The following SCN1A variants were observed in gnomAD, a reference collection of about 807,000 sequenced individuals.
SCN1A encodes the protein sodium voltage-gated channel alpha subunit 1, also known as sodium channel protein type 1 subunit alpha.
A neutral mutation model predicts 193.7 loss-of-function variants in SCN1A; 13 were observed. That is an observed-to-expected ratio of 0.07 (90% CI 0.04 to 0.11). The LOEUF (loss-of-function observed/expected upper bound fraction) is 0.11, where lower values mean the gene tolerates loss of function less well. Among genes scored for constraint, SCN1A ranks in the 10% least tolerant of loss-of-function variants. The pLI, the probability that SCN1A is intolerant of heterozygous loss-of-function variation, is 1.00. For synonymous variants in SCN1A, 781 were observed against 843.6 expected (o/e 0.93, Z 1.29); for missense variants, 1,432 against 2,451.1 (o/e 0.58, Z 8.78).
intron 3 of SCN1A, among the ~76,000 whole-genome samples, chr2:166,074,737 C>T (rs1684825471): frequency 6.6e-6 from 1 of 152,142 alleles, no homozygotes; most frequent in East Asian, 1.9e-4. Context: ...ACTGCATTAA[C>T]TCATTAAGGT....
chr2:166,091,675 A>G lies in SCN1A; in HGVS notation c.-141-13874T>C, dbSNP rs1305899903. Among the ~76,000 whole-genome samples, 10 of 152,340 alleles carry G rather than the reference A, an allele frequency of 6.6e-5. No individual in the cohort carries two copies. In the East Asian group the frequency reaches 1.9e-3, roughly 29 times the overall value. On this transcript the variant is annotated intron_variant, in intron 2 of 28. Transcript: ENST00000674923. ...TAAGCAAGACAAGACCCTTTTCCCT[A>G]TGGCTCAGGAAGGCAGAGAAGTCAA...
At chr2:165,995,065 C>G (rs188642528) in intron 27 of SCN1A, among the ~76,000 whole-genome samples, 1 of 151,926 alleles carries the variant, frequency 6.6e-6, no homozygotes, top group Admixed American at 6.6e-5. Context: ...CGTTCTTTGT[C>G]GTTGATCTGT....
chr2:166,080,094 T>C (rs1216352818), intron 2 of SCN1A, among the ~76,000 whole-genome samples: 2 of 151,784 alleles, frequency 1.3e-5, no homozygotes, highest in East Asian at 3.9e-4. Context: ...ACTTATTCTA[T>C]TAAAATACAG....
intron 28 of SCN1A, chr2:165,993,180 A>AGTGTGAGT (rs1553520689): frequency 1.4e-5 from 2 of 143,166 alleles, no homozygotes; most frequent in African/African-American, 5.2e-5. Context: ...GAAGTGTAAG[A>AGTGTGAGT]GTGTGTGTGT....
rs1697860246 is a variant in SCN1A at position 166,046,683 on chromosome 2, C to T, written c.1377+87G>A. ...TCATTATTAATTCCTCATACAACCA[C>T]CTGCTCTTAGGTACTCACTTTCTCT... On this transcript the variant is annotated intron_variant, in intron 12 of 28. Coordinates refer to ENST00000674923, the MANE Select transcript of SCN1A (RefSeq NM_001165963.4). The T allele has an allele frequency of 2.0e-5, 26 of 1,270,034 alleles. 1 individual carries two copies. The South Asian group carries it at 2.8e-4, about 14-fold the overall frequency. The allele number at this position is 1,270,034 out of a possible 1,614,324, so 78.7% of individuals were successfully genotyped here.
intron 3 of SCN1A, among the ~76,000 whole-genome samples, chr2:166,074,623 A>G (rs1013278770): frequency 5.9e-5 from 9 of 152,132 alleles, no homozygotes; most frequent in African/African-American, 2.2e-4. Flanking sequence ...TCCCAAATGT[A>G]TTGTTTTAAG....
At chr2:166,072,223 A>C (rs1451551065) in intron 4 of SCN1A, among the ~76,000 whole-genome samples, 1 of 151,904 alleles carries the variant, frequency 6.6e-6, no homozygotes, top group Non-Finnish European at 1.5e-5. Context: ...TAAGATTCAC[A>C]AATGCATTGT....
At chr2:166,011,626 A>T (rs537679453) in intron 22 of SCN1A, among the ~76,000 whole-genome samples, 1 of 151,242 alleles carries the variant, frequency 6.6e-6, no homozygotes, top group East Asian at 1.9e-4. Flanking sequence ...ATCAAATAGA[A>T]TTTTTTTAAA....
rs758221668 is a variant in SCN1A, at chr2:166,036,244, T to A, written c.3233A>T (p.Asp1078Val). 13 of 1,613,916 alleles carry A rather than the reference T, an allele frequency of 8.1e-6. No individual in the cohort carries two copies. In the South Asian group the frequency reaches 1.4e-4, roughly 18 times the overall value. ...TATACCACTTGTAGTTCCATTTACA[T>A]CTTTAAGATAGTCAAGATCTTTCCC... ...EIGKDLDYLK[D>V]VNGTTSGIGT... The change falls in exon 19 of 29, where the codon GAT (aspartate) becomes GTT (valine). Residue 1078 changes from aspartate to valine, a missense_variant. Physicochemically the swap from Asp to Val is radical, Grantham distance 152. Around this residue, in one of 18 missense-constraint regions of SCN1A, gnomAD observed 198 missense variants for 225.8 expected, o/e 0.88. Coordinates refer to ENST00000674923, the MANE Select transcript of SCN1A (RefSeq NM_001165963.4).
At chr2:166,014,520 T>G (rs1394040903) in intron 20 of SCN1A, among the ~76,000 whole-genome samples, 1 of 149,112 alleles carries the variant, frequency 6.7e-6, no homozygotes, top group East Asian at 2.0e-4. Context: ...CAAAGGCACT[T>G]AGGTACACAC....
intron 2 of SCN1A, among the ~76,000 whole-genome samples, chr2:166,114,967 C>T (rs1321195248): frequency 6.6e-6 from 1 of 152,070 alleles, no homozygotes; most frequent in Non-Finnish European, 1.5e-5. Context: ...CTTCTTTATG[C>T]TTTTCTAAAT....
intron 2 of SCN1A, among the ~76,000 whole-genome samples, chr2:166,078,435 A>G (rs774693882): frequency 2.0e-5 from 3 of 149,628 alleles, no homozygotes; most frequent in Non-Finnish European, 4.4e-5. Context: ...ACAGTAATAC[A>G]TATGTGCTAC....
chr2:166,087,670 A>G (rs1686291738), intron 2 of SCN1A, among the ~76,000 whole-genome samples: 1 of 152,120 alleles, frequency 6.6e-6, no homozygotes, highest in South Asian at 2.1e-4. Context: ...TAAAAAAAAA[A>G]ATTACCCAGC....
At chr2:166,004,081 G>A (rs527847021) in intron 23 of SCN1A, among the ~76,000 whole-genome samples, 3 of 151,598 alleles carry the variant, frequency 2.0e-5, no homozygotes, top group African/African-American at 7.2e-5. Flanking sequence ...TGATGTGGCC[G>A]ATGCAACTAC....
intron 2 of SCN1A, among the ~76,000 whole-genome samples, chr2:166,106,544 G>A (rs1688715767): frequency 6.6e-6 from 1 of 152,096 alleles, no homozygotes; most frequent in Admixed American, 6.5e-5. Flanking sequence ...AGGTTGGTGG[G>A]TGGGCCTTCA....
intron 17 of SCN1A, among the ~76,000 whole-genome samples, chr2:166,038,993 G>C (rs150311520): frequency 6.6e-6 from 1 of 152,108 alleles, no homozygotes; most frequent in East Asian, 1.9e-4. Context: ...TTTGACTTTC[G>C]CAAGATGCAT....
intron 23 of SCN1A, among the ~76,000 whole-genome samples, chr2:166,008,210 T>C (rs1394227165): frequency 6.6e-6 from 1 of 151,264 alleles, no homozygotes; most frequent in Non-Finnish European, 1.5e-5. Flanking sequence ...AAATTAAAAG[T>C]ATACCGATAA....
At chr2:165,996,149 C>T (rs773219334) in intron 26 of SCN1A, 32 bp from the exon 27 acceptor site, 139 of 1,360,198 alleles carry the variant, frequency 1.0e-4, no homozygotes, top group Admixed American at 1.4e-4. Flanking sequence ...CTGGTTAAAA[C>T]TGTGTCCTTT....
chr2:166,141,085 G>T (rs1692061915), intron 1 of SCN1A, among the ~76,000 whole-genome samples: 1 of 152,042 alleles, frequency 6.6e-6, no homozygotes, highest in African/African-American at 2.4e-5. Context: ...TCTGCACCTT[G>T]AACATGTAAA....
Sources: gnomAD v4.1 joint callset for allele counts (sites outside exome capture counted in the v4.1 genomes callset) on GRCh38, gnomAD v4.1.1 for gene constraint, gnomAD v4.1.1 regional missense constraint, MANE v1.5 for transcripts, NCBI Gene and HGNC (gene_info 2026-07-23, HGNC 2026-07-21) for gene names.